FOXP2: variants seen among roughly 807,000 people sequenced by gnomAD.
FOXP2 encodes the protein forkhead box protein P2.
FOXP2 carries 12 observed loss-of-function variants against 115.8 expected under a neutral mutation model. The ratio of observed to expected loss-of-function variants is 0.10; its 90% CI spans 0.07 to 0.17. FOXP2 has a LOEUF of 0.17. FOXP2 is among the 10% of genes least tolerant of loss of function. The pLI is 1.00. For missense variants in FOXP2, 629 were observed against 843.5 expected (o/e 0.75, Z 3.15); for synonymous variants, 328 against 297.7 (o/e 1.10, Z -1.05).
intron 1 of FOXP2, among the ~76,000 whole-genome samples, chr7:114,183,316 G>A (rs1793506740): frequency 6.6e-6 from 1 of 152,054 alleles, no homozygotes. Context: ...AGGTTTACAT[G>A]TTTAACTGTG....
intron 1 of FOXP2, among the ~76,000 whole-genome samples, chr7:114,138,118 A>G (rs1336230868): frequency 6.6e-6 from 1 of 152,194 alleles, no homozygotes; most frequent in Non-Finnish European, 1.5e-5. Flanking sequence ...TAGAATAGAC[A>G]AATTTCCTAT....
chr7:114,640,792 C>T (rs555804218), intron 6 of FOXP2, among the ~76,000 whole-genome samples: 1 of 152,242 alleles, frequency 6.6e-6, no homozygotes, highest in South Asian at 2.1e-4. Context: ...TATAGATGCA[C>T]ATAGTAATTA....
chr7:114,256,781 C>G (rs1795624539), intron 1 of FOXP2, among the ~76,000 whole-genome samples: 1 of 152,124 alleles, frequency 6.6e-6, no homozygotes, highest in African/African-American at 2.4e-5. Flanking sequence ...AAACTCTGCT[C>G]AAGGAAATCA....
At chr7:114,299,481 G>T (rs1796826274) in intron 2 of FOXP2, among the ~76,000 whole-genome samples, 1 of 151,446 alleles carries the variant, frequency 6.6e-6, no homozygotes, top group Non-Finnish European at 1.5e-5. Context: ...TGCCAGTATG[G>T]CTTATTTATA....
At chr7:114,382,798 A>G (rs1407085171) in intron 2 of FOXP2, among the ~76,000 whole-genome samples, 1 of 152,200 alleles carries the variant, frequency 6.6e-6, no homozygotes, top group African/African-American at 2.4e-5. Context: ...GTCAGGTGAC[A>G]GGGAGGTGTG....
chr7:114,419,445 G>T (rs987367474), intron 1 of FOXP2, among the ~76,000 whole-genome samples: 1 of 151,760 alleles, frequency 6.6e-6, no homozygotes, highest in Non-Finnish European at 1.5e-5. Context: ...TTTGGAGTAG[G>T]TCTGCTTCAT....
intron 16 of FOXP2, among the ~76,000 whole-genome samples, chr7:114,675,441 T>C (rs72603574): frequency 2.0e-5 from 3 of 152,102 alleles, no homozygotes; most frequent in Non-Finnish European, 2.9e-5. Context: ...GGAAAAGACA[T>C]TTAAATAATC....
chr7:114,334,935 A>ATATATATATATTTTATATATATAGAAATC (rs1562875846), intron 2 of FOXP2, among the ~76,000 whole-genome samples: 12 of 125,262 alleles, frequency 9.6e-5, no homozygotes, highest in African/African-American at 3.3e-4. Context: ...AGAAATCTAT[A>ATATATATATATTTTATATATATAGAAATC]TATATATATA....
chr7:114,288,381 G>C (rs2129176031), intron 2 of FOXP2, among the ~76,000 whole-genome samples: 1 of 151,760 alleles, frequency 6.6e-6, no homozygotes, highest in Non-Finnish European at 1.5e-5. Context: ...ATATGAATTT[G>C]GTTTGAAATA....
At chr7:114,160,662 G>A (rs1340786414), upstream of FOXP2, among the ~76,000 whole-genome samples, 1 of 152,082 alleles carries the variant, frequency 6.6e-6, no homozygotes. Flanking sequence ...TGTGGTTTAT[G>A]AAGACCTCAA....
chr7:114,226,750 C>T (rs1211085421), intron 1 of FOXP2, among the ~76,000 whole-genome samples: 2 of 151,862 alleles, frequency 1.3e-5, no homozygotes, highest in Admixed American at 6.6e-5. Flanking sequence ...TTATGTCTTT[C>T]TTATTTATCT....
intron 1 of FOXP2, among the ~76,000 whole-genome samples, chr7:114,102,733 C>CACAA (rs1491452861): frequency 1.4e-5 from 2 of 140,472 alleles, no homozygotes; most frequent in East Asian, 4.2e-4. Context: ...CACACACACA[C>CACAA]CCCAATGGTT....
At chr7:114,387,624 G>A (rs1258530283) in intron 2 of FOXP2, among the ~76,000 whole-genome samples, 1 of 152,054 alleles carries the variant, frequency 6.6e-6, no homozygotes, top group Admixed American at 6.6e-5. Context: ...AGAAAAGTTA[G>A]CAAGCTCAAT....
intron 2 of FOXP2, among the ~76,000 whole-genome samples, chr7:114,456,266 A>C (rs1052479805): frequency 6.6e-6 from 1 of 152,242 alleles, no homozygotes; most frequent in African/African-American, 2.4e-5. Flanking sequence ...ATGCTAGATC[A>C]CAGAGAAGTT....
chr7:114,182,528 G>C (rs1411816485), intron 1 of FOXP2, among the ~76,000 whole-genome samples: 1 of 151,670 alleles, frequency 6.6e-6, no homozygotes, highest in Non-Finnish European at 1.5e-5. Flanking sequence ...AATATCAAGA[G>C]ATATTCACAT....
intron 2 of FOXP2, among the ~76,000 whole-genome samples, chr7:114,492,425 G>A (rs1797108079): frequency 6.6e-6 from 1 of 152,044 alleles, no homozygotes; most frequent in Non-Finnish European, 1.5e-5. Context: ...GTTCTGCTCT[G>A]ATCTTAGTTA....
At chr7:114,646,509 G>A (rs1236172404) in intron 8 of FOXP2, among the ~76,000 whole-genome samples, 1 of 151,856 alleles carries the variant, frequency 6.6e-6, no homozygotes, top group Admixed American at 6.6e-5. Context: ...AATTAAAAAA[G>A]CATTTCCTTT....
At chr7:114,468,592 A>C (rs1466854230) in intron 2 of FOXP2, among the ~76,000 whole-genome samples, 1 of 152,002 alleles carries the variant, frequency 6.6e-6, no homozygotes, top group Admixed American at 6.6e-5. Context: ...GTCTTTGCTC[A>C]TGTTATCCCC....
At chr7:114,233,466 G>A (rs1794935287) in intron 1 of FOXP2, among the ~76,000 whole-genome samples, 1 of 152,182 alleles carries the variant, frequency 6.6e-6, no homozygotes, top group Non-Finnish European at 1.5e-5. Flanking sequence ...TAAAACAAAA[G>A]TTTGACATCA....
Sources: allele counts gnomAD v4.1 joint callset (sites outside exome capture counted in the v4.1 genomes callset), GRCh38; gene constraint gnomAD v4.1.1; transcripts MANE v1.5; gene names NCBI Gene and HGNC (gene_info 2026-07-23, HGNC 2026-07-21).